The following COL24A1 variants were observed in gnomAD, a reference collection of about 807,000 sequenced individuals.
The protein encoded by COL24A1 is collagen alpha-1(XXIV) chain.
In COL24A1, 224 loss-of-function variants were observed where a neutral mutation model predicts 253.9. The ratio of observed to expected loss-of-function variants is 0.88; its 90% CI spans 0.79 to 0.99. The LOEUF is 0.99. Ranked by LOEUF, COL24A1 falls within the 50% of genes least tolerant of loss-of-function variation. COL24A1 has a pLI of 0.00. For synonymous variants in COL24A1, 685 were observed against 673.7 expected (o/e 1.02, Z -0.26); for missense variants, 2,131 against 2,068.5 (o/e 1.03, Z -0.59).
intron 53 of COL24A1, among the ~76,000 whole-genome samples, chr1:85,763,493 T>C (rs1265336752): frequency 3.0e-5 from 1 of 33,008 alleles, no homozygotes; most frequent in Non-Finnish European, 1.1e-4. Context: ...TTTTACTTTC[T>C]TTTTTTTTTT....
At chr1:85,864,327 A>C (rs1679529461) in intron 37 of COL24A1, among the ~76,000 whole-genome samples, 1 of 149,206 alleles carries the variant, frequency 6.7e-6, no homozygotes, top group African/African-American at 2.5e-5. Context: ...GCATGTTCTC[A>C]CTCATAGGTG....
intron 47 of COL24A1, among the ~76,000 whole-genome samples, chr1:85,793,415 T>G (rs757648041): frequency 6.9e-6 from 1 of 145,722 alleles, no homozygotes; most frequent in Admixed American, 6.8e-5. Flanking sequence ...GAAGGAGAAA[T>G]AGAGGAAGAG....
At chr1:86,051,250 T>A (rs1376414683) in intron 10 of COL24A1, among the ~76,000 whole-genome samples, 1 of 152,108 alleles carries the variant, frequency 6.6e-6, no homozygotes, top group Non-Finnish European at 1.5e-5. Context: ...TGAAAATCAA[T>A]GCCCTCAAAA....
rs556177827 is a variant in COL24A1 at position 85,843,469 on chromosome 1, A to G, written c.3463-1076T>C. Among the ~76,000 whole-genome samples, 8 of 152,344 alleles carry G rather than the reference A, an allele frequency of 5.3e-5. No individual in the cohort carries two copies. In the South Asian group the frequency reaches 1.7e-3, roughly 32 times the overall value. ...GGCTGAATGACATATGCTTGCTTCA[A>G]TAGTCTCATCCAACAAAAAAGAGAG... On this transcript the variant is annotated intron_variant, in intron 39 of 59. Transcript: ENST00000370571.
intron 22 of COL24A1, among the ~76,000 whole-genome samples, chr1:85,965,501 G>T (rs1270461934): frequency 6.6e-6 from 1 of 152,018 alleles, no homozygotes; most frequent in Non-Finnish European, 1.5e-5. Flanking sequence ...CAGATTACTT[G>T]TATTCTTACT....
At position 85,961,250 on chromosome 1, in the gene COL24A1, G is replaced by T; in HGVS notation, c.2561C>A (p.Thr854Lys). The T allele has an allele frequency of 1.3e-6, 2 of 1,599,414 alleles. No homozygotes were observed. The highest frequency in any genetic ancestry group is 1.7e-6 in the Non-Finnish European group (2 of 1,167,662). ...AATAAGAGCATAAAATAAGCTTACT[G>T]TTTCACCAATTTTTCCAATATTTCC... Reference protein sequence around the residue: ...DQGNIGKIGETGPVGLPGEVG... With the variant: ...DQGNIGKIGEKGPVGLPGEVG... The change falls in exon 24 of 60, where the codon ACA (threonine) becomes AAA (lysine). Residue 854 changes from threonine to lysine, a missense_variant and splice_region_variant. Thr to Lys is a moderately conservative substitution (Grantham distance 78). Coordinates refer to ENST00000370571, the MANE Select transcript of COL24A1 (RefSeq NM_152890.7).
intron 42 of COL24A1, among the ~76,000 whole-genome samples, chr1:85,840,181 C>T (rs552308088): frequency 5.3e-5 from 8 of 152,212 alleles, no homozygotes; most frequent in Admixed American, 4.6e-4. Context: ...AGGTGGCATT[C>T]TTTGATCCTG....
At chr1:85,847,366 G>T (rs1677244337) in intron 39 of COL24A1, among the ~76,000 whole-genome samples, 1 of 152,282 alleles carries the variant, frequency 6.6e-6, no homozygotes, top group South Asian at 2.1e-4. Flanking sequence ...AATTTTAAGT[G>T]CTGGCCATAT....
chr1:86,025,683 T>C (rs987960990), intron 14 of COL24A1, among the ~76,000 whole-genome samples: 3 of 152,192 alleles, frequency 2.0e-5, no homozygotes, highest in African/African-American at 7.2e-5. Flanking sequence ...CTATGCAATA[T>C]AAAGGGTCTT....
At chr1:85,833,797 T>A (rs1175092911) in intron 43 of COL24A1, among the ~76,000 whole-genome samples, 2 of 152,066 alleles carry the variant, frequency 1.3e-5, no homozygotes, top group African/African-American at 4.8e-5. Flanking sequence ...TAAAAAAGGA[T>A]GAGTTCATGT....
intron 24 of COL24A1, among the ~76,000 whole-genome samples, chr1:85,926,847 C>A (rs950680725): frequency 6.6e-6 from 1 of 151,244 alleles, no homozygotes; most frequent in Non-Finnish European, 1.5e-5. Flanking sequence ...TAAAAAGAGT[C>A]AAAAAGGAGG....
intron 24 of COL24A1, among the ~76,000 whole-genome samples, chr1:85,922,010 A>C (rs1686568625): frequency 1.3e-5 from 2 of 152,234 alleles, no homozygotes; most frequent in Admixed American, 6.5e-5. Context: ...CATGAGAACT[A>C]CGTGACGCAT....
At chr1:85,919,407 G>A (rs1686225438) in intron 24 of COL24A1, among the ~76,000 whole-genome samples, 2 of 152,232 alleles carry the variant, frequency 1.3e-5, no homozygotes, top group South Asian at 4.1e-4. Context: ...GGCCAGGCAT[G>A]GTGGCTCATG....
chr1:86,086,111 A>T (rs1190745530), intron 7 of COL24A1, among the ~76,000 whole-genome samples: 1 of 152,154 alleles, frequency 6.6e-6, no homozygotes, highest in Non-Finnish European at 1.5e-5. Flanking sequence ...ACAAATTTTA[A>T]TATTTACAGG....
At chr1:85,851,019 A>C (rs1019436728) in intron 37 of COL24A1, among the ~76,000 whole-genome samples, 42 of 122,304 alleles carry the variant, frequency 3.4e-4, no homozygotes, top group African/African-American at 4.3e-4. Flanking sequence ...ATATATATAT[A>C]TCTACATATA....
intron 43 of COL24A1, among the ~76,000 whole-genome samples, chr1:85,827,905 TTG>T (rs1433179895): frequency 6.6e-6 from 1 of 152,114 alleles, no homozygotes; most frequent in East Asian, 1.9e-4. Context: ...GAAGGGTTTT[TTG>T]TGTCTCTATT....
intron 43 of COL24A1, among the ~76,000 whole-genome samples, chr1:85,825,258 A>AT (rs1044807849): frequency 1.3e-5 from 2 of 151,936 alleles, no homozygotes; most frequent in Admixed American, 6.6e-5. Context: ...TGAACTCATC[A>AT]TTTTTTATGG....
At chr1:86,061,004 T>A (rs1701046839) in intron 8 of COL24A1, among the ~76,000 whole-genome samples, 2 of 151,994 alleles carry the variant, frequency 1.3e-5, no homozygotes, top group South Asian at 2.1e-4. Flanking sequence ...TCAAAAACCC[T>A]ATAAGATAGA....
intron 22 of COL24A1, among the ~76,000 whole-genome samples, chr1:85,969,806 C>T (rs937898467): frequency 2.6e-5 from 4 of 151,522 alleles, no homozygotes; most frequent in African/African-American, 9.7e-5. Flanking sequence ...AACTTGAAAA[C>T]AAATAATTAA....
Sources: gnomAD v4.1 joint callset for allele counts (sites outside exome capture counted in the v4.1 genomes callset) on GRCh38, gnomAD v4.1.1 for gene constraint, MANE v1.5 for transcripts, NCBI Gene and HGNC (gene_info 2026-07-23, HGNC 2026-07-21) for gene names.